Variants in CNTNAP5 observed in about 807,000 individuals in gnomAD.
CNTNAP5 encodes the protein contactin-associated protein-like 5.
In CNTNAP5, 72 loss-of-function variants were observed where a neutral mutation model predicts 150.2. The observed-to-expected ratio is 0.48, with a 90% CI of 0.40 to 0.58. CNTNAP5 has a LOEUF of 0.58. CNTNAP5 is among the 20% of genes least tolerant of loss of function. The pLI, the probability that CNTNAP5 is intolerant of heterozygous loss-of-function variation, is 0.00. For missense variants in CNTNAP5, 1,636 were observed against 1,626.2 expected (o/e 1.01, Z -0.10); for synonymous variants, 672 against 619.8 (o/e 1.08, Z -1.25).
chr2:124,433,393 T>G (rs968359397), intron 4 of CNTNAP5, among the ~76,000 whole-genome samples: 1 of 152,248 alleles, frequency 6.6e-6, no homozygotes, highest in Non-Finnish European at 1.5e-5. Flanking sequence ...TACAGAAAAG[T>G]ATTATTTCAT....
intron 3 of CNTNAP5, among the ~76,000 whole-genome samples, chr2:124,333,721 G>GGCAGA (rs1434030602): frequency 6.6e-6 from 1 of 152,178 alleles, no homozygotes; most frequent in East Asian, 1.9e-4. Flanking sequence ...TTGATTTCAA[G>GGCAGA]GCAGAGCCCG....
intron 3 of CNTNAP5, among the ~76,000 whole-genome samples, chr2:124,391,486 C>T (rs1004840690): frequency 4.1e-4 from 62 of 152,206 alleles, no homozygotes; most frequent in Non-Finnish European, 4.7e-4. Flanking sequence ...CGCCTCTCCT[C>T]ATCGTCTTCT....
chr2:124,704,471 T>A (rs917244840), intron 13 of CNTNAP5, among the ~76,000 whole-genome samples: 2 of 148,852 alleles, frequency 1.3e-5, no homozygotes, highest in Non-Finnish European at 3.0e-5. Flanking sequence ...TCTGTTTACT[T>A]ATTCCTGTCC....
intron 3 of CNTNAP5, among the ~76,000 whole-genome samples, chr2:124,272,618 A>G (rs1455915211): frequency 6.6e-6 from 1 of 152,198 alleles, no homozygotes; most frequent in Non-Finnish European, 1.5e-5. Flanking sequence ...GGTGAATTAA[A>G]TAAATTTGAA....
intron 21 of CNTNAP5, among the ~76,000 whole-genome samples, chr2:124,896,791 G>A (rs1436375247): frequency 1.3e-5 from 2 of 151,458 alleles, no homozygotes; most frequent in Non-Finnish European, 2.9e-5. Context: ...CACACGCTTC[G>A]GCCTCCCAAA....
chr2:124,275,536 C>G (rs1687863940), intron 3 of CNTNAP5, among the ~76,000 whole-genome samples: 1 of 152,068 alleles, frequency 6.6e-6, no homozygotes, highest in South Asian at 2.1e-4. Context: ...ACCTCATTAT[C>G]TATGTGTCTG....
At chr2:124,733,228 A>T (rs906257402) in intron 13 of CNTNAP5, among the ~76,000 whole-genome samples, 2 of 152,150 alleles carry the variant, frequency 1.3e-5, no homozygotes, top group Non-Finnish European at 2.9e-5. Flanking sequence ...ATGGAATATT[A>T]TACATATAAT....
chr2:124,867,733 G>A (rs527466507), intron 20 of CNTNAP5, among the ~76,000 whole-genome samples: 174 of 152,188 alleles, frequency 1.1e-3, no homozygotes, highest in African/African-American at 3.9e-3. Flanking sequence ...CATCTCATTC[G>A]ATCTCACATC....
At chr2:124,269,637 G>A (rs34217141) in intron 3 of CNTNAP5, among the ~76,000 whole-genome samples, 3,563 of 152,178 alleles carry the variant, frequency 0.023, 57 homozygotes, top group South Asian at 0.049. Context: ...AGACTGACCC[G>A]AAAAGCAAAT....
chr2:124,192,263 A>G (rs1366783814), intron 1 of CNTNAP5, among the ~76,000 whole-genome samples: 4 of 152,152 alleles, frequency 2.6e-5, no homozygotes, highest in Non-Finnish European at 5.9e-5. Context: ...TGTTCGTTGT[A>G]CATTCCATTC....
intron 13 of CNTNAP5, among the ~76,000 whole-genome samples, chr2:124,672,090 GGAA>G (rs1208951227): frequency 6.6e-6 from 1 of 152,126 alleles, no homozygotes; most frequent in African/African-American, 2.4e-5. Context: ...TCTGAAGGCT[GGAA>G]ACCAAGACCA....
chr2:124,184,418 G>A (rs968087384), intron 1 of CNTNAP5, among the ~76,000 whole-genome samples: 1 of 152,156 alleles, frequency 6.6e-6, no homozygotes, highest in Non-Finnish European at 1.5e-5. Context: ...TTCAGATAAA[G>A]AATGAATCTT....
chr2:124,632,385 G>A (rs968061606), intron 12 of CNTNAP5, among the ~76,000 whole-genome samples: 6 of 152,286 alleles, frequency 3.9e-5, no homozygotes, highest in South Asian at 2.1e-4. Flanking sequence ...AAAAAGAAAC[G>A]AGATCATGTC....
At chr2:124,252,321 C>G (rs373348572) in intron 3 of CNTNAP5, among the ~76,000 whole-genome samples, 1 of 152,102 alleles carries the variant, frequency 6.6e-6, no homozygotes, top group African/African-American at 2.4e-5. Flanking sequence ...TTTAGAGGCC[C>G]GTTCCTAAGT....
In CNTNAP5 at chr2:124,600,731, C is replaced by CAGAGAG. The variant is rs374118230; in HGVS notation, c.1757-9038_1757-9033dup. Among the ~76,000 whole-genome samples the CAGAGAG allele has an allele frequency of 6.2e-3, 771 of 124,098 alleles. 4 individuals are homozygous for CAGAGAG. The highest frequency in any genetic ancestry group is 8.2e-3 in the Middle Eastern group (2 of 244). The allele number at this position is 124,098 out of a possible 152,430, so 81.4% of individuals were successfully genotyped here. A position where few individuals can be genotyped will look rare whatever the true frequency, so the allele number is the denominator to read the frequency against. ...ACCCCCAAAATACAACAACAATACT[C>CAGAGAG]AGAGAGAGAGAGAGAGAGAGAGAGA... is the stretch of plus-strand genomic sequence containing the variant. On this transcript the variant is annotated intron_variant, in intron 11 of 23. Transcript: ENST00000682447.
chr2:124,727,122 T>C (rs1411949153), intron 13 of CNTNAP5, among the ~76,000 whole-genome samples: 1 of 152,120 alleles, frequency 6.6e-6, no homozygotes, highest in Non-Finnish European at 1.5e-5. Context: ...TCCTTTGTAC[T>C]CTTGCCAAAG....
intron 19 of CNTNAP5, among the ~76,000 whole-genome samples, chr2:124,852,700 A>G (rs1040077652): frequency 6.6e-6 from 1 of 152,168 alleles, no homozygotes; most frequent in African/African-American, 2.4e-5. Flanking sequence ...TCTGGGAGAC[A>G]AGTTCAGATG....
chr2:124,346,450 G>T (rs1008052299), intron 3 of CNTNAP5, among the ~76,000 whole-genome samples: 12 of 152,158 alleles, frequency 7.9e-5, no homozygotes, highest in Non-Finnish European at 1.2e-4. Context: ...ATACCAGTTA[G>T]CAACAGCCCA....
chr2:124,576,450 A>G lies in CNTNAP5; in HGVS notation c.1756+13127A>G, dbSNP rs542237471. Among the ~76,000 whole-genome samples the G allele has an allele frequency of 1.9e-4, 29 of 152,270 alleles. No individual in the cohort carries two copies. In the South Asian group the frequency reaches 4.6e-3, roughly 24 times the overall value. On this transcript the variant is annotated intron_variant, in intron 11 of 23. Coordinates refer to ENST00000682447, the MANE Select transcript of CNTNAP5 (RefSeq NM_001367498.1). ...TGCATGTTTACTAAATGGGCATTCA[A>G]TGGAATAACTGTTACATAACATATG... is the stretch of plus-strand genomic sequence containing the variant.
Sources: gnomAD v4.1 joint callset for allele counts (sites outside exome capture counted in the v4.1 genomes callset) on GRCh38, gnomAD v4.1.1 for gene constraint, MANE v1.5 for transcripts, NCBI Gene and HGNC (gene_info 2026-07-23, HGNC 2026-07-21) for gene names.